Variants in TASOR2 observed in about 807,000 individuals in gnomAD.
TASOR2 encodes protein TASOR 2.
A neutral mutation model predicts 199.5 loss-of-function variants in TASOR2; 84 were observed. The ratio of observed to expected loss-of-function variants is 0.42; its 90% CI spans 0.35 to 0.50. The LOEUF (loss-of-function observed/expected upper bound fraction) is 0.50. TASOR2 is among the 20% of genes least tolerant of loss of function. The pLI is 0.02. For synonymous variants in TASOR2, 1,103 were observed against 1,046.6 expected, an observed-to-expected ratio of 1.05 and a Z score of -1.04; for missense variants, 2,796 against 2,835.9, an observed-to-expected ratio of 0.99 and a Z score of 0.32.
chr10:5,733,850 T>C (rs904356036), intron 11 of TASOR2, among the ~76,000 whole-genome samples: 3 of 152,316 alleles, frequency 2.0e-5, no homozygotes, highest in African/African-American at 4.8e-5. Context: ...AGAAGTCTTA[T>C]TGTTAAAAAA....
At chr10:5,759,793 A>AGT (rs1355297565) in intron 18 of TASOR2, among the ~76,000 whole-genome samples, 1 of 152,250 alleles carries the variant, frequency 6.6e-6, no homozygotes, top group East Asian at 1.9e-4. Flanking sequence ...TTTCTCTTGA[A>AGT]GTGGAGCTAG....
Position 5,704,116 on chromosome 10 carries a change from C to T in TASOR2, c.-287-8707C>T, listed in dbSNP as rs925037074. 4.6e-5 allele frequency among the ~76,000 whole-genome samples: 7 copies of T among 151,190 alleles called. No individual in the cohort carries two copies. The East Asian group carries it at 5.9e-4, about 13-fold the overall frequency. ...GTGGGCGCCTGTCATCCCAGTTACT[C>T]GGGAGGCTGAGGCAGGAGAATCACT... On this transcript the variant is annotated intron_variant, in intron 1 of 20. Coordinates refer to ENST00000328090, the Ensembl canonical transcript of TASOR2.
At chr10:5,745,608 C>CA (rs1453431599) in intron 14 of TASOR2, among the ~76,000 whole-genome samples, 2 of 152,012 alleles carry the variant, frequency 1.3e-5, no homozygotes, top group Non-Finnish European at 2.9e-5. Context: ...GGCTAAACCT[C>CA]ATCTCTACTA....
At chr10:5,734,009 C>T (rs1447062347) in intron 11 of TASOR2, among the ~76,000 whole-genome samples, 2 of 152,146 alleles carry the variant, frequency 1.3e-5, no homozygotes, top group African/African-American at 4.8e-5. Flanking sequence ...AAATGGGTCT[C>T]CTTTTTTCTC....
chr10:5,723,256 C>T (rs540734665), intron 6 of TASOR2, among the ~76,000 whole-genome samples: 5 of 151,712 alleles, frequency 3.3e-5, no homozygotes, highest in African/African-American at 4.8e-5. Flanking sequence ...GGGGTTTCAC[C>T]GAGTTAGCCA....
At chr10:5,717,220 A>T (rs1832776268) in intron 2 of TASOR2, among the ~76,000 whole-genome samples, 1 of 152,108 alleles carries the variant, frequency 6.6e-6, no homozygotes, top group Admixed American at 6.6e-5. Context: ...TGTCTTTTGT[A>T]ATTTTTGGCT....
intron 18 of TASOR2, 132 bp from the exon 20 acceptor site, chr10:5,761,158 G>C: frequency 1.4e-6 from 1 of 706,390 alleles, no homozygotes. Context: ...GGTAACCAAA[G>C]TGTGTCATGA....
chr10:5,692,662 C>T (rs776124198), intron 1 of TASOR2, among the ~76,000 whole-genome samples: 10 of 152,194 alleles, frequency 6.6e-5, no homozygotes, highest in South Asian at 2.1e-4. Flanking sequence ...TGTACGGGCT[C>T]AGTGGGGTTT....
exon 13 of TASOR2, chr10:5,739,894 C>T: frequency 6.2e-7 from 1 of 1,614,136 alleles, no homozygotes; most frequent in Non-Finnish European, 8.5e-7. Flanking sequence ...AAAGAAAATT[C>T]TTTGCGAGGT....
intron 1 of TASOR2, among the ~76,000 whole-genome samples, chr10:5,708,546 CTTTCTTTCTTTCTT>C (rs1440856596): frequency 4.0e-5 from 6 of 148,170 alleles, no homozygotes; most frequent in Admixed American, 6.6e-5. Context: ...CTTTCTTTCT[CTTTCTTTCTTTCTT>C]TTTCTTTCTT....
chr10:5,736,966 TTTG>T (rs924665916), intron 12 of TASOR2, among the ~76,000 whole-genome samples: 12 of 152,120 alleles, frequency 7.9e-5, no homozygotes, highest in Non-Finnish European at 1.8e-4. Flanking sequence ...GTTGTTTTGT[TTTG>T]TTTTGTTTTG....
At chr10:5,688,395 A>ATTTTTTTTTT (rs34362647) in intron 1 of TASOR2, among the ~76,000 whole-genome samples, 15 of 99,894 alleles carry the variant, frequency 1.5e-4, no homozygotes, top group African/African-American at 1.6e-4. Flanking sequence ...CTAATTTTTA[A>ATTTTTTTTTT]TTTTTTTTTT....
exon 19 of TASOR2, chr10:5,761,302 T>C: frequency 1.2e-6 from 2 of 1,613,048 alleles, no homozygotes; most frequent in South Asian, 2.2e-5. Flanking sequence ...TGGATTCAAC[T>C]GCACATAAGA....
chr10:5,714,372 G>C (rs1185152428), intron 2 of TASOR2, 165 bp downstream of exon 3: 1 of 405,326 alleles, frequency 2.5e-6, no homozygotes, highest in Non-Finnish European at 4.2e-6. Flanking sequence ...AATGAGATTT[G>C]AGTCTAAAAC....
Position 5,701,782 on chromosome 10 carries a change from A to G in TASOR2, c.-287-11041A>G, listed in dbSNP as rs769490024. Among the ~76,000 whole-genome samples the G allele has an allele frequency of 6.6e-6, 1 of 152,252 alleles. No individual in the cohort carries two copies. The highest frequency in any genetic ancestry group is 2.1e-4 in the South Asian group (1 of 4,822). On this transcript the variant is annotated intron_variant, in intron 1 of 20. Coordinates refer to ENST00000328090, the Ensembl canonical transcript of TASOR2. This position sits in a 1 kb window ranked among gnomAD's most constrained non-coding sequence, Gnocchi z 4.9. ...GATTGCTTGCAGTTGGTGTATACCAACGCTACCGATTTTTGTATGTTGATT... is the reference window on the plus strand; with the variant it reads ...GATTGCTTGCAGTTGGTGTATACCAGCGCTACCGATTTTTGTATGTTGATT...
exon 15 of TASOR2, chr10:5,746,818 A>G (rs1226431736): frequency 6.2e-7 from 1 of 1,614,184 alleles, no homozygotes. Context: ...AGGTGGAGAG[A>G]CACTTGATAA....
Position 5,748,341 on chromosome 10 carries a change from G to C in TASOR2, c.4920G>C (p.Ser1640=). The change falls in exon 15 of 21, where the codon TCG becomes TCC. Residue 1640 remains serine (S), a synonymous_variant. Transcript: ENST00000328090. The surrounding 1 kb of genome is among the most constrained non-coding windows in gnomAD (Gnocchi z 5.1). The stretch of plus-strand genomic sequence containing the variant: ...AGGTGAAGTCCTTGACAGCTGCCTC[G>C]GTTGATGGAGCTTATTCTACACAGG... The C allele has an allele frequency of 6.8e-6, 11 of 1,614,204 alleles. No individual in the cohort carries two copies. The highest frequency in any genetic ancestry group is 9.3e-6 in the Non-Finnish European group (11 of 1,180,048).
At chr10:5,758,046 C>G (rs764562140) in intron 17 of TASOR2, among the ~76,000 whole-genome samples, 3 of 152,298 alleles carry the variant, frequency 2.0e-5, no homozygotes, top group Middle Eastern at 6.8e-3. Context: ...CTGATGTCAA[C>G]ACCCCTACCA....
At chr10:5,696,708 G>T (rs1837202657) in intron 1 of TASOR2, among the ~76,000 whole-genome samples, 1 of 152,094 alleles carries the variant, frequency 6.6e-6, no homozygotes, top group South Asian at 2.1e-4. Context: ...GCCAAGGGTC[G>T]CCTGCCATAG....
Sources: gnomAD v4.1 joint callset for allele counts (sites outside exome capture counted in the v4.1 genomes callset) on GRCh38, gnomAD v4.1.1 for gene constraint, Gnocchi (gnomAD v3.1) non-coding constraint, MANE v1.5 for transcripts, NCBI Gene and HGNC (gene_info 2026-07-23, HGNC 2026-07-21) for gene names.